The following ADCY2 variants were observed in gnomAD, a reference collection of about 807,000 sequenced individuals.
The protein encoded by ADCY2 is adenylate cyclase 2.
Under a neutral mutation model 125.2 loss-of-function variants are expected in ADCY2, and 31 were observed. That is an observed-to-expected ratio of 0.25 (90% confidence interval 0.19 to 0.33). ADCY2 has a LOEUF of 0.33. Ranked by LOEUF, ADCY2 falls within the 10% of genes least tolerant of loss-of-function variation. The pLI is 1.00. For synonymous variants in ADCY2, 512 were observed against 548.4 expected (o/e 0.93, Z 0.93); for missense variants, 904 against 1,418.2 (o/e 0.64, Z 5.82).
intron 2 of ADCY2, among the ~76,000 whole-genome samples, chr5:7,516,317 C>G (rs1157138248): frequency 6.6e-6 from 1 of 152,128 alleles, no homozygotes; most frequent in Non-Finnish European, 1.5e-5. Flanking sequence ...TAAAAGCACC[C>G]AATTTTTATA....
chr5:7,643,392 A>T (rs1459797150), intron 4 of ADCY2, among the ~76,000 whole-genome samples: 1 of 152,052 alleles, frequency 6.6e-6, no homozygotes, highest in African/African-American at 2.4e-5. Context: ...ACCTGAGCTC[A>T]TATGCATTAC....
chr5:7,804,069 A>AGAGAGAGAGC (rs1553990875), intron 21 of ADCY2, among the ~76,000 whole-genome samples: 2,221 of 140,386 alleles, frequency 0.016, 28 homozygotes, highest in Middle Eastern at 0.043. Context: ...AGAGAGAGAG[A>AGAGAGAGAGC]GAGAGCTGGT....
intron 3 of ADCY2, among the ~76,000 whole-genome samples, chr5:7,583,903 G>A (rs1736526793): frequency 6.6e-6 from 1 of 152,068 alleles, no homozygotes; most frequent in African/African-American, 2.4e-5. Context: ...AAGTAAAAAG[G>A]AACAAGCAAC....
chr5:7,428,578 A>G (rs1250537064), intron 2 of ADCY2, among the ~76,000 whole-genome samples: 2 of 152,214 alleles, frequency 1.3e-5, no homozygotes, highest in Non-Finnish European at 2.9e-5. Context: ...TGGGTTTCAT[A>G]ATTTTATTGT....
intron 4 of ADCY2, among the ~76,000 whole-genome samples, chr5:7,673,327 A>G (rs559680752): frequency 7.5e-6 from 1 of 134,028 alleles, no homozygotes; most frequent in Admixed American, 7.9e-5. Flanking sequence ...TGGTCCCAGC[A>G]TCTCAGGAAG....
intron 3 of ADCY2, among the ~76,000 whole-genome samples, chr5:7,580,968 A>G (rs542769994): frequency 1.3e-5 from 2 of 152,336 alleles, no homozygotes; most frequent in Non-Finnish European, 2.9e-5. Context: ...TCTAACTCTA[A>G]GTGAAAATAT....
chr5:7,620,609 G>T (rs1185856799), intron 3 of ADCY2, among the ~76,000 whole-genome samples: 1 of 152,170 alleles, frequency 6.6e-6, no homozygotes, highest in Admixed American at 6.5e-5. Context: ...ATGGGATTGG[G>T]ATTCTCTGCA....
At chr5:7,586,200 T>G (rs1736618360) in intron 3 of ADCY2, among the ~76,000 whole-genome samples, 1 of 152,362 alleles carries the variant, frequency 6.6e-6, no homozygotes, top group Admixed American at 6.5e-5. Flanking sequence ...ATGTACTTGT[T>G]TTATTTATCT....
At chr5:7,657,213 T>C (rs1739369284) in intron 4 of ADCY2, among the ~76,000 whole-genome samples, 1 of 152,202 alleles carries the variant, frequency 6.6e-6, no homozygotes. Context: ...ATGCTCAACC[T>C]GTAATAACAT....
intron 18 of ADCY2, among the ~76,000 whole-genome samples, chr5:7,777,956 A>T (rs1172921330): frequency 2.0e-5 from 3 of 152,190 alleles, no homozygotes; most frequent in Non-Finnish European, 4.4e-5. Context: ...CGTGATTCGG[A>T]TAAGTCGCCT....
Position 7,809,470 on chromosome 5 carries a change from G to A in ADCY2, c.2883+4778G>A, listed in dbSNP as rs145814215. On this transcript the variant is annotated intron_variant, in intron 22 of 24. Transcript: ENST00000338316. ...TTACCTTTTGTAACCTGCCCAAAAT[G>A]GGCTTAAGCCTTTGCTTCTCTAGTT... Among the ~76,000 whole-genome samples, 4 of 152,324 alleles carry A rather than the reference G, an allele frequency of 2.6e-5. No homozygotes were observed. In the East Asian group the frequency reaches 5.8e-4, roughly 22 times the overall value.
chr5:7,627,394 C>T, intron 4 of ADCY2, among the ~76,000 whole-genome samples: 1 of 152,122 alleles, frequency 6.6e-6, no homozygotes, highest in Non-Finnish European at 1.5e-5. Flanking sequence ...GAGAAGAAGC[C>T]ATAGAGGGGC....
intron 3 of ADCY2, among the ~76,000 whole-genome samples, chr5:7,606,576 G>A (rs989909606): frequency 1.3e-5 from 2 of 151,972 alleles, no homozygotes; most frequent in African/African-American, 2.4e-5. Context: ...GGCTCTACCC[G>A]GGCACATTCT....
chr5:7,758,877 C>T (rs76763001), intron 16 of ADCY2, among the ~76,000 whole-genome samples: 4 of 152,110 alleles, frequency 2.6e-5, no homozygotes, highest in Admixed American at 6.5e-5. Context: ...ATTCATATTA[C>T]GAAGTAGAGA....
At position 7,634,703 on chromosome 5, in the gene ADCY2, GT is replaced by G. The variant is rs11362995; in HGVS notation, c.720+8400del. On this transcript the variant is annotated intron_variant, in intron 4 of 24. Transcript: ENST00000338316. ...CTTGTCCTATTTATCAAATTTACAG[GT>G]TTTTTTTTTTTTGGCTTGTTAGGTG... 4.2e-3 allele frequency among the ~76,000 whole-genome samples: 616 copies of G among 145,010 alleles called. 5 individuals are homozygous for G. The highest frequency in any genetic ancestry group is 0.013 in the African/African-American group (503 of 39,744).
chr5:7,555,430 A>G (rs1735476921), intron 3 of ADCY2, among the ~76,000 whole-genome samples: 1 of 152,228 alleles, frequency 6.6e-6, no homozygotes, highest in South Asian at 2.1e-4. Context: ...CAAATTGTTC[A>G]GATCTTTAGC....
At chr5:7,547,467 C>T (rs1405562210) in intron 3 of ADCY2, among the ~76,000 whole-genome samples, 1 of 152,152 alleles carries the variant, frequency 6.6e-6, no homozygotes, top group Admixed American at 6.5e-5. Flanking sequence ...GTCTTTCTTA[C>T]CTGAGGACAC....
At chr5:7,702,925 T>A (rs1441028973) in intron 7 of ADCY2, among the ~76,000 whole-genome samples, 1 of 152,250 alleles carries the variant, frequency 6.6e-6, no homozygotes, top group African/African-American at 2.4e-5. Flanking sequence ...CCATTCTGAC[T>A]GGTGTGAGTT....
At chr5:7,686,307 T>C (rs1022029153) in intron 4 of ADCY2, among the ~76,000 whole-genome samples, 4 of 152,236 alleles carry the variant, frequency 2.6e-5, no homozygotes, top group East Asian at 1.9e-4. Flanking sequence ...AGAGCTCAGA[T>C]TGTTCTGAAC....
Sources: gnomAD v4.1 joint callset for allele counts (sites outside exome capture counted in the v4.1 genomes callset) on GRCh38, gnomAD v4.1.1 for gene constraint, MANE v1.5 for transcripts, NCBI Gene and HGNC (gene_info 2026-07-23, HGNC 2026-07-21) for gene names.